Variants in NEGR1 observed in about 807,000 individuals in gnomAD.
The protein encoded by NEGR1 is IgLON family member 4.
In NEGR1, 10 loss-of-function variants were observed where a neutral mutation model predicts 40.9. The ratio of observed to expected loss-of-function variants is 0.24; its 90% CI spans 0.15 to 0.42. The LOEUF (loss-of-function observed/expected upper bound fraction) is 0.42, where lower values mean the gene tolerates loss of function less well. NEGR1 is among the 10% of genes least tolerant of loss of function. The pLI is 1.00. For missense variants in NEGR1, 352 were observed against 438.9 expected (o/e 0.80, Z 1.77); for synonymous variants, 185 against 166.8 (o/e 1.11, Z -0.84).
rs146756592 is a variant in NEGR1 at position 71,621,228 on chromosome 1, A to G, written c.668-10082T>C. On this transcript the variant is annotated intron_variant, in intron 4 of 6. Coordinates refer to ENST00000357731, the MANE Select transcript of NEGR1 (RefSeq NM_173808.3). ...ATTTTACTCTCCCAGAATTCCATCCATAGCCTACTTTTTTTAGCGTAATCA... is the reference window on the plus strand; with the variant it reads ...ATTTTACTCTCCCAGAATTCCATCCGTAGCCTACTTTTTTTAGCGTAATCA... Among the ~76,000 whole-genome samples, 111 of 152,102 alleles carry G rather than the reference A, an allele frequency of 7.3e-4. 1 individual carries two copies. In the East Asian group the frequency reaches 0.019, roughly 26 times the overall value.
intron 6 of NEGR1, among the ~76,000 whole-genome samples, chr1:71,497,229 GA>G (rs1646970369): frequency 6.6e-6 from 1 of 152,126 alleles, no homozygotes; most frequent in South Asian, 2.1e-4. Flanking sequence ...TAAGAAAAGA[GA>G]AACTACCTTT....
intron 2 of NEGR1, among the ~76,000 whole-genome samples, chr1:71,917,622 C>CA (rs562486564): frequency 2.0e-5 from 3 of 150,176 alleles, no homozygotes; most frequent in African/African-American, 7.4e-5. Context: ...ACTAAAAATA[C>CA]AAAAAATTAG....
intron 1 of NEGR1, among the ~76,000 whole-genome samples, chr1:71,949,633 A>T (rs188617204): frequency 1.2e-4 from 19 of 152,100 alleles, no homozygotes; most frequent in Non-Finnish European, 2.5e-4. Context: ...CAGCATTAAC[A>T]CCAGCCTTAC....
chr1:72,251,465 C>G (rs923264491), intron 1 of NEGR1, among the ~76,000 whole-genome samples: 4 of 152,120 alleles, frequency 2.6e-5, no homozygotes, highest in Non-Finnish European at 4.4e-5. Flanking sequence ...CCTCGGTATC[C>G]ATACGGGGTT....
At chr1:71,666,432 A>G (rs1652243747) in intron 4 of NEGR1, among the ~76,000 whole-genome samples, 1 of 152,170 alleles carries the variant, frequency 6.6e-6, no homozygotes, top group African/African-American at 2.4e-5. Context: ...GCTAAAGCAT[A>G]GGCACTCAAC....
intron 2 of NEGR1, among the ~76,000 whole-genome samples, chr1:71,871,114 G>T (rs565370032): frequency 2.6e-5 from 4 of 152,300 alleles, no homozygotes; most frequent in South Asian, 4.1e-4. Flanking sequence ...GTTCTCCATC[G>T]TGTGTTAAGA....
intron 1 of NEGR1, among the ~76,000 whole-genome samples, chr1:72,068,582 T>A (rs1336055470): frequency 6.6e-6 from 1 of 152,144 alleles, no homozygotes; most frequent in African/African-American, 2.4e-5. Context: ...GATAGGAGAA[T>A]GATGGAATGG....
At chr1:71,797,763 G>T (rs1404096936) in intron 2 of NEGR1, among the ~76,000 whole-genome samples, 2 of 151,942 alleles carry the variant, frequency 1.3e-5, no homozygotes, top group Non-Finnish European at 2.9e-5. Context: ...TTATTTAGTT[G>T]TCTTTGTTTC....
chr1:71,651,726 T>C (rs1036523460), intron 4 of NEGR1, among the ~76,000 whole-genome samples: 6 of 152,216 alleles, frequency 3.9e-5, no homozygotes, highest in African/African-American at 1.2e-4. Flanking sequence ...TCCTGTATAT[T>C]AGTATATTTA....
chr1:72,032,446 C>T (rs1557492723), intron 1 of NEGR1, among the ~76,000 whole-genome samples: 1 of 152,158 alleles, frequency 6.6e-6, no homozygotes, highest in Non-Finnish European at 1.5e-5. Flanking sequence ...ATACAGAAAG[C>T]TAGAGTTAAA....
intron 6 of NEGR1, among the ~76,000 whole-genome samples, chr1:71,554,547 C>A (rs754130364): frequency 6.6e-6 from 1 of 151,306 alleles, no homozygotes; most frequent in Non-Finnish European, 1.5e-5. Context: ...ACCAGAAAGT[C>A]TTATATTGGG....
At chr1:71,641,224 A>G (rs1482225973) in intron 4 of NEGR1, among the ~76,000 whole-genome samples, 2 of 152,096 alleles carry the variant, frequency 1.3e-5, no homozygotes, top group African/African-American at 4.8e-5. Context: ...CATCAGCTTT[A>G]TAGACAGCCT....
intron 2 of NEGR1, among the ~76,000 whole-genome samples, chr1:71,909,828 GATTT>G (rs1280775622): frequency 6.6e-6 from 1 of 152,126 alleles, no homozygotes; most frequent in Non-Finnish European, 1.5e-5. Flanking sequence ...ATGTTTGAAA[GATTT>G]ATTAACCACA....
intron 1 of NEGR1, among the ~76,000 whole-genome samples, chr1:72,269,471 T>A (rs1332215356): frequency 6.6e-6 from 1 of 151,686 alleles, no homozygotes; most frequent in Non-Finnish European, 1.5e-5. Context: ...TCAGGACATA[T>A]TGCGGCTTTT....
chr1:72,009,969 C>T (rs1557481694), intron 1 of NEGR1, among the ~76,000 whole-genome samples: 1 of 151,798 alleles, frequency 6.6e-6, no homozygotes, highest in Non-Finnish European at 1.5e-5. Flanking sequence ...CTGGAATGTG[C>T]AATAAAAATA....
intron 6 of NEGR1, among the ~76,000 whole-genome samples, chr1:71,505,829 A>T (rs1647030567): frequency 6.6e-6 from 1 of 152,228 alleles, no homozygotes; most frequent in Non-Finnish European, 1.5e-5. Context: ...CCAACCTTCC[A>T]GGGGAACCCA....
intron 1 of NEGR1, among the ~76,000 whole-genome samples, chr1:72,025,030 G>T (rs1003749865): frequency 9.9e-5 from 15 of 152,060 alleles, no homozygotes; most frequent in Non-Finnish European, 1.8e-4. Flanking sequence ...TTCCACTTGG[G>T]AGTTATAGTG....
At chr1:72,190,976 C>A (rs1337888385) in intron 1 of NEGR1, among the ~76,000 whole-genome samples, 1 of 151,256 alleles carries the variant, frequency 6.6e-6, no homozygotes, top group East Asian at 1.9e-4. Flanking sequence ...TGTCATTTTG[C>A]TGGTTTTTGA....
chr1:71,600,829 G>A (rs80097660), intron 5 of NEGR1, among the ~76,000 whole-genome samples: 1 of 152,140 alleles, frequency 6.6e-6, no homozygotes. Flanking sequence ...ATTTTAGAAC[G>A]ATCATTACGC....
Sources: gnomAD v4.1 joint callset for allele counts (sites outside exome capture counted in the v4.1 genomes callset) on GRCh38, gnomAD v4.1.1 for gene constraint, MANE v1.5 for transcripts, NCBI Gene and HGNC (gene_info 2026-07-23, HGNC 2026-07-21) for gene names.